Variants in GANC observed in about 807,000 individuals in gnomAD.
GANC encodes glucosidase alpha, neutral C.
A neutral mutation model predicts 124.2 loss-of-function variants in GANC; 117 were observed. The ratio of observed to expected loss-of-function variants is 0.94; its 90% CI spans 0.81 to 1.10. GANC has a LOEUF of 1.10. GANC is among the 50% of genes least tolerant of loss of function. The probability of loss-of-function intolerance (pLI) is 0.00; values close to 1 mark genes in which losing one functional copy is unlikely to be tolerated. For synonymous variants in GANC, 377 were observed against 376.8 expected (o/e 1.00, Z -0.01); for missense variants, 1,140 against 1,095.0 (o/e 1.04, Z -0.58).
rs554543164 is a variant in GANC at position 42,288,304 on chromosome 15, C to T, written c.329+486C>T. Among the ~76,000 whole-genome samples the T allele has an allele frequency of 7.5e-4, 114 of 152,262 alleles. No homozygotes were observed. The Middle Eastern group carries it at 0.01, about 14-fold the overall frequency. On this transcript the variant is annotated intron_variant, in intron 4 of 23. Coordinates refer to ENST00000318010, the MANE Select transcript of GANC (RefSeq NM_198141.3). ...CTCAGAAGTCTAACATGTAATTTTA[C>T]TTAGTGTCAAGGTAAATTAATAATC...
intron 13 of GANC, 42 bp downstream of exon 13, chr15:42,327,484 A>G (rs2052207568): frequency 7.3e-7 from 1 of 1,373,602 alleles, no homozygotes; most frequent in Non-Finnish European, 1.0e-6. Context: ...TACCTGAAAG[A>G]GTGAAAGAAG....
chr15:42,345,228 G>A lies in GANC; in HGVS notation c.2230-530G>A, dbSNP rs546936354. 9.0e-4 allele frequency among the ~76,000 whole-genome samples: 135 copies of A among 149,958 alleles called. 4 individuals carry two copies. The East Asian group carries it at 0.02, about 22-fold the overall frequency. On this transcript the variant is annotated intron_variant, in intron 19 of 23. Transcript: ENST00000318010. ...GTGCTTTGTTTAAAAAAAAAAAAAA[G>A]ATACTATAATAGTAATTCAAGTTTC... is the stretch of plus-strand genomic sequence containing the variant.
At chr15:42,286,516 G>C (rs1219255107) in intron 3 of GANC, among the ~76,000 whole-genome samples, 1 of 152,170 alleles carries the variant, frequency 6.6e-6, no homozygotes, top group African/African-American at 2.4e-5. Flanking sequence ...GCTAAAAGTA[G>C]TTTAAATACA....
In GANC at chr15:42,296,102, C is replaced by T. The variant is rs572548136; in HGVS notation, c.513-1509C>T. On this transcript the variant is annotated intron_variant, in intron 5 of 23. Coordinates refer to ENST00000318010, the MANE Select transcript of GANC (RefSeq NM_198141.3). Reference sequence around the variant, plus strand: ...GAGGTTTCAGTGAGCCGAGATCATACCATTGCTCCAGGCGGGGCGACAAGA... The same window carrying T: ...GAGGTTTCAGTGAGCCGAGATCATATCATTGCTCCAGGCGGGGCGACAAGA... Among the ~76,000 whole-genome samples the T allele has an allele frequency of 6.0e-5, 9 of 150,680 alleles. No homozygotes were observed. The South Asian group carries it at 1.9e-3, about 32-fold the overall frequency.
At chr15:42,291,986 G>T (rs150052322) in intron 4 of GANC, among the ~76,000 whole-genome samples, 17 of 152,260 alleles carry the variant, frequency 1.1e-4, no homozygotes, top group African/African-American at 4.1e-4. Context: ...AACATAAACT[G>T]TCTCTTTTTA....
intron 15 of GANC, among the ~76,000 whole-genome samples, chr15:42,338,051 A>G (rs1321643138): frequency 6.6e-6 from 1 of 151,360 alleles, no homozygotes; most frequent in African/African-American, 2.4e-5. Context: ...AAGTGAGAAC[A>G]TGACTCCATC....
At chr15:42,326,752 C>G (rs1484984623) in intron 12 of GANC, among the ~76,000 whole-genome samples, 1 of 152,134 alleles carries the variant, frequency 6.6e-6, no homozygotes, top group Non-Finnish European at 1.5e-5. Flanking sequence ...AAAAGTGGGT[C>G]CTGCAAGCTC....
intron 4 of GANC, among the ~76,000 whole-genome samples, chr15:42,291,868 T>G (rs945424896): frequency 2.6e-5 from 4 of 152,120 alleles, no homozygotes; most frequent in Non-Finnish European, 2.9e-5. Context: ...GTTCAATGGA[T>G]AGTGAGAGAC....
intron 4 of GANC, among the ~76,000 whole-genome samples, chr15:42,289,831 A>G (rs1595765121): frequency 6.6e-6 from 1 of 152,190 alleles, no homozygotes; most frequent in East Asian, 1.9e-4. Flanking sequence ...AAAGCAGTAA[A>G]TAAGTTAAAA....
intron 5 of GANC, among the ~76,000 whole-genome samples, chr15:42,295,331 A>G (rs190956690): frequency 6.0e-4 from 91 of 152,222 alleles, no homozygotes; most frequent in African/African-American, 2.2e-3. Flanking sequence ...TGGTAGCTAT[A>G]GTTCCATGAT....
intron 3 of GANC, among the ~76,000 whole-genome samples, chr15:42,279,398 C>G (rs368744039): frequency 2.0e-5 from 3 of 152,314 alleles, no homozygotes; most frequent in African/African-American, 7.2e-5. Context: ...GAACAGGGAA[C>G]AGGCAAAAGG....
In GANC at chr15:42,285,177, GC is replaced by G. The variant is rs531086548; in HGVS notation, c.202-2513del. The stretch of plus-strand genomic sequence containing the variant: ...AGTCATGTCCAAACTTTTTGAAAGA[GC>G]AAGGATGTGGTGGAAGGATTGGGAA... On this transcript the variant is annotated intron_variant, in intron 3 of 23. Coordinates refer to ENST00000318010, the MANE Select transcript of GANC (RefSeq NM_198141.3). Among the ~76,000 whole-genome samples the G allele has an allele frequency of 1.6e-4, 25 of 152,306 alleles. No homozygotes were observed. The East Asian group carries it at 4.8e-3, about 29-fold the overall frequency.
rs772450391 is a variant in GANC at position 42,310,687 on chromosome 15, T to A, written c.904-6T>A. On this transcript the variant is annotated splice_polypyrimidine_tract_variant and splice_region_variant and intron_variant, in intron 9 of 23. Coordinates refer to ENST00000318010, the MANE Select transcript of GANC (RefSeq NM_198141.3). The stretch of plus-strand genomic sequence containing the variant: ...TTCTCAAATTTTTATTCCATTCTTT[T>A]TCCAGTACACACTGACCCAGATGGG... The A allele has an allele frequency of 4.4e-6, 7 of 1,602,768 alleles. No individual in the cohort carries two copies. In the Admixed American group the frequency reaches 1.2e-4, roughly 27 times the overall value.
At chr15:42,307,815 C>CAA (rs2052012629) in intron 7 of GANC, among the ~76,000 whole-genome samples, 1 of 152,116 alleles carries the variant, frequency 6.6e-6, no homozygotes, top group African/African-American at 2.4e-5. Flanking sequence ...ACAAGACAAT[C>CAA]AGTCATTTCA....
chr15:42,310,596 G>A (rs1365668895), intron 9 of GANC, 97 bp from the exon 10 acceptor site: 6 of 1,497,346 alleles, frequency 4.0e-6, no homozygotes, highest in Non-Finnish European at 1.8e-6. Flanking sequence ...GTGAATATCA[G>A]TAGTATCTAC....
chr15:42,340,614 AAAACT>A, intron 17 of GANC, 71 bp from the exon 18 acceptor site: 2 of 1,227,564 alleles, frequency 1.6e-6, no homozygotes, highest in Non-Finnish European at 2.3e-6. Flanking sequence ...AAAAAAAAAA[AAAACT>A]AAAAATATAA....
In GANC at chr15:42,287,933, ATT is replaced by A; in HGVS notation, c.329+117_329+118del. ...ATTTTGGCTGCTCAAAACTACAGTCATTTAGGTTGGTGTAAAAGTAATTGTGG... is the reference window on the plus strand; with the variant it reads ...ATTTTGGCTGCTCAAAACTACAGTCATAGGTTGGTGTAAAAGTAATTGTGG... On this transcript the variant is annotated intron_variant, in intron 4 of 23. Coordinates refer to ENST00000318010, the MANE Select transcript of GANC (RefSeq NM_198141.3). 3 of 1,032,260 alleles carry A rather than the reference ATT, an allele frequency of 2.9e-6. No individual in the cohort carries two copies. The South Asian group carries it at 5.5e-5, about 19-fold the overall frequency. The allele number at this position is 1,032,260 out of a possible 1,614,324, so 63.9% of individuals were successfully genotyped here.
intron 8 of GANC, 45 bp from the exon 9 acceptor site, chr15:42,310,238 A>G (rs1269309578): frequency 3.7e-6 from 5 of 1,367,898 alleles, no homozygotes; most frequent in African/African-American, 1.4e-5. Context: ...ATTAATATTA[A>G]TAATATATTT....
intron 8 of GANC, among the ~76,000 whole-genome samples, chr15:42,309,445 T>C (rs2052030356): frequency 6.6e-6 from 1 of 151,576 alleles, no homozygotes; most frequent in African/African-American, 2.4e-5. Context: ...TCAGCCTCCC[T>C]AGTAGCTGAG....
Sources: allele counts gnomAD v4.1 joint callset (sites outside exome capture counted in the v4.1 genomes callset), GRCh38; gene constraint gnomAD v4.1.1; transcripts MANE v1.5; gene names NCBI Gene and HGNC (gene_info 2026-07-23, HGNC 2026-07-21).